The following LIN9 variants were observed in gnomAD, a reference collection of about 807,000 sequenced individuals.
The protein encoded by LIN9 is lin-9 DREAM MuvB core complex component.
A neutral mutation model predicts 78.0 loss-of-function variants in LIN9; 18 were observed. That is an observed-to-expected ratio of 0.23 (90% CI 0.16 to 0.34). LIN9 has a LOEUF of 0.34. LIN9 is among the 10% of genes least tolerant of loss of function. LIN9 has a pLI of 1.00. For synonymous variants in LIN9, 192 were observed against 215.2 expected (o/e 0.89, Z 0.94); for missense variants, 451 against 644.1 (o/e 0.70, Z 3.25).
At chr1:226,295,981 C>T (rs763803117) in intron 3 of LIN9, 35 bp from the exon 4 acceptor site, 16 of 1,415,370 alleles carry the variant, frequency 1.1e-5, no homozygotes, top group African/African-American at 5.7e-5. Flanking sequence ...ATGAAAAAGC[C>T]GAACCCTCCC....
intron 1 of LIN9, among the ~76,000 whole-genome samples, chr1:226,305,278 T>G (rs1358340971): frequency 7.7e-6 from 1 of 129,496 alleles, no homozygotes; most frequent in East Asian, 2.2e-4. Context: ...GAGACCAGCC[T>G]GAGCAACATA....
intron 6 of LIN9, among the ~76,000 whole-genome samples, chr1:226,285,372 C>G (rs1448543496): frequency 6.6e-6 from 1 of 152,100 alleles, no homozygotes; most frequent in African/African-American, 2.4e-5. Flanking sequence ...ACATCATCAT[C>G]AAGGTCATCT....
chr1:226,281,542 A>G (rs1661052572), intron 6 of LIN9, among the ~76,000 whole-genome samples: 1 of 152,146 alleles, frequency 6.6e-6, no homozygotes, highest in Admixed American at 6.6e-5. Context: ...TATCCCAATT[A>G]CCCTGATTTG....
intron 6 of LIN9, among the ~76,000 whole-genome samples, chr1:226,284,946 A>T (rs1661304415): frequency 1.3e-5 from 2 of 152,150 alleles, no homozygotes; most frequent in African/African-American, 4.8e-5. Flanking sequence ...ATTGATTTTT[A>T]AAATTAAGAT....
At chr1:226,278,092 G>A (rs549544069) in intron 6 of LIN9, among the ~76,000 whole-genome samples, 160 bp from the exon 7 acceptor site, 1 of 151,682 alleles carries the variant, frequency 6.6e-6, no homozygotes, top group East Asian at 2.0e-4. Flanking sequence ...TCCGGCTCAA[G>A]CGATTCTGGG....
Position 226,265,728 on chromosome 1 carries a change from C to T in LIN9, c.937-94G>A. 1.6e-6 allele frequency: 1 copy of T among 638,702 alleles called. No homozygotes were observed. Among genetic ancestry groups the T allele is most frequent in the Non-Finnish European group, 2.6e-6 (1 of 378,992 alleles). 39.6% of individuals were successfully genotyped at this position (638,702 alleles called of 1,614,324 possible). A position where few individuals can be genotyped will look rare whatever the true frequency, so the allele number is the denominator to read the frequency against. On this transcript the variant is annotated intron_variant, in intron 9 of 14. Transcript: ENST00000681046. The surrounding 1 kb of genome is among the most constrained non-coding windows in gnomAD (Gnocchi z 4.1). ...ATTTTTTTTTAGACGGAGTCTCGCTCTGTTGCCACTTGTGATCTCGGCTCA... is the reference window on the plus strand; with the variant it reads ...ATTTTTTTTTAGACGGAGTCTCGCTTTGTTGCCACTTGTGATCTCGGCTCA...
chr1:226,233,034 C>A, intron 14 of LIN9, 62 bp downstream of exon 14: 2 of 983,726 alleles, frequency 2.0e-6, no homozygotes, highest in African/African-American at 1.7e-5. Context: ...ATTCTTAAAA[C>A]CTGGACTGAA....
chr1:226,255,823 A>C (rs556786557), intron 10 of LIN9, among the ~76,000 whole-genome samples: 1 of 152,294 alleles, frequency 6.6e-6, no homozygotes, highest in African/African-American at 2.4e-5. Context: ...AAAGAGAACA[A>C]AGACTGAAAA....
At chr1:226,260,630 T>G (rs1021274095) in intron 10 of LIN9, among the ~76,000 whole-genome samples, 23 of 10,202 alleles carry the variant, frequency 2.3e-3, no homozygotes, top group Admixed American at 0.013. Context: ...CCAAATGAGT[T>G]TTTTTTTTTT....
chr1:226,281,445 CTTTG>C (rs930399142), intron 6 of LIN9, among the ~76,000 whole-genome samples: 9 of 151,880 alleles, frequency 5.9e-5, no homozygotes, highest in Non-Finnish European at 8.8e-5. Context: ...TTTGTTTTTA[CTTTG>C]TTTTTTATTG....
chr1:226,289,846 T>A (rs12046522), intron 4 of LIN9, among the ~76,000 whole-genome samples: 6 of 16,280 alleles, frequency 3.7e-4, no homozygotes, highest in African/African-American at 4.6e-4. Flanking sequence ...GGGGGGGGGG[T>A]GGGGGGGGGT....
At chr1:226,294,998 G>A (rs12025783) in intron 4 of LIN9, among the ~76,000 whole-genome samples, 13 of 151,724 alleles carry the variant, frequency 8.6e-5, no homozygotes, top group African/African-American at 3.1e-4. Flanking sequence ...ACAGGGTTTC[G>A]CCATGTTGGC....
chr1:226,303,200 A>AC, intron 1 of LIN9, among the ~76,000 whole-genome samples: 1 of 152,346 alleles, frequency 6.6e-6, no homozygotes, highest in South Asian at 2.1e-4. Context: ...AAAAGTAGTA[A>AC]CCATTCACTC....
At chr1:226,262,433 T>G (rs1576307917) in intron 10 of LIN9, among the ~76,000 whole-genome samples, 1 of 151,954 alleles carries the variant, frequency 6.6e-6, no homozygotes, top group Admixed American at 6.6e-5. Flanking sequence ...AACCCAACAA[T>G]AAGAAAACAA....
At chr1:226,235,935 G>A (rs1032992977) in intron 12 of LIN9, among the ~76,000 whole-genome samples, 4 of 151,844 alleles carry the variant, frequency 2.6e-5, no homozygotes, top group African/African-American at 9.7e-5. Context: ...TACTCCAAAG[G>A]TTATACTTTG....
upstream of LIN9, chr1:226,309,204 T>C (rs747465864): frequency 1.4e-5 from 21 of 1,459,026 alleles, no homozygotes; most frequent in East Asian, 1.4e-4. Flanking sequence ...GCGGAGACTG[T>C]CTTTGCGAGG....
chr1:226,235,461 C>G (rs1049258705), intron 12 of LIN9, among the ~76,000 whole-genome samples: 1 of 151,374 alleles, frequency 6.6e-6, no homozygotes, highest in African/African-American at 2.4e-5. Context: ...AGTTGAGTAT[C>G]CCTTATCCAA....
intron 4 of LIN9, among the ~76,000 whole-genome samples, chr1:226,294,341 G>A (rs945228327): frequency 1.6e-4 from 25 of 151,686 alleles, no homozygotes; most frequent in Non-Finnish European, 7.4e-5. Flanking sequence ...AGCACTTTGG[G>A]AGGCTGAGGT....
At chr1:226,279,165 GA>G (rs531477613) in intron 6 of LIN9, among the ~76,000 whole-genome samples, 16 of 149,892 alleles carry the variant, frequency 1.1e-4, no homozygotes, top group South Asian at 6.4e-4. Flanking sequence ...CGTCTTGGGG[GA>G]AAAAAAAATT....
Sources: allele counts gnomAD v4.1 joint callset (sites outside exome capture counted in the v4.1 genomes callset), GRCh38; gene constraint gnomAD v4.1.1; non-coding constraint Gnocchi (gnomAD v3.1); transcripts MANE v1.5; gene names NCBI Gene and HGNC (gene_info 2026-07-23, HGNC 2026-07-21).